Variants in DCHS2 observed in about 807,000 individuals in gnomAD.
The protein encoded by DCHS2 is protocadherin-23.
Under a neutral mutation model 182.4 loss-of-function variants are expected in DCHS2, and 142 were observed. That is an observed-to-expected ratio of 0.78 (90% CI 0.68 to 0.89). The LOEUF (loss-of-function observed/expected upper bound fraction) is 0.89. Ranked by LOEUF, DCHS2 falls within the 40% of genes least tolerant of loss-of-function variation. The pLI is 0.00. For synonymous variants in DCHS2, 1,740 were observed against 1,663.3 expected, an observed-to-expected ratio of 1.05 and a Z score of -1.12; for missense variants, 4,319 against 4,198.6, an observed-to-expected ratio of 1.03 and a Z score of -0.79.
chr4:154,446,076 A>G (rs1220519055), intron 1 of DCHS2, among the ~76,000 whole-genome samples: 1 of 152,232 alleles, frequency 6.6e-6, no homozygotes, highest in East Asian at 1.9e-4. Context: ...AGAACTCTTC[A>G]CCTTCTCCTT....
At chr4:154,299,346 A>C (rs1561023841) in intron 12 of DCHS2, among the ~76,000 whole-genome samples, 1 of 152,254 alleles carries the variant, frequency 6.6e-6, no homozygotes, top group Non-Finnish European at 1.5e-5. Context: ...TCCTTAAAAA[A>C]AATCTGCCCT....
At chr4:154,351,100 C>G (rs561124586) in intron 3 of DCHS2, among the ~76,000 whole-genome samples, 1 of 152,058 alleles carries the variant, frequency 6.6e-6, no homozygotes. Context: ...GCATTTGTGA[C>G]GGATTTGTCT....
At chr4:154,484,949 T>A (rs1369837760) in intron 1 of DCHS2, among the ~76,000 whole-genome samples, 2 of 152,224 alleles carry the variant, frequency 1.3e-5, no homozygotes, top group Non-Finnish European at 2.9e-5. Flanking sequence ...TACAGTGGAA[T>A]GCATCCATGA....
At chr4:154,240,882 C>A in intron 17 of DCHS2, 59 bp from the exon 18 acceptor site, 1 of 1,577,224 alleles carries the variant, frequency 6.3e-7, no homozygotes, top group Non-Finnish European at 8.6e-7. Context: ...AAATACATTT[C>A]TTTAGTAGTT....
chr4:154,490,997 G>T lies in DCHS2; in HGVS notation c.359C>A (p.Pro120Gln), dbSNP rs545698799. Residue 120 changes from proline (P) to glutamine (Q), a missense_variant, in exon 1 of 20, where the codon CCG becomes CAG. Physicochemically the swap from Pro to Gln is moderately conservative, Grantham distance 76 (BLOSUM62 -1). Transcript: ENST00000357232. ...CGCAGTGCGGATGATGCCGGTGTCC[G>T]GGTGCACGTGGAAGTCGTCCAGCAG... ...SPLLDDFHVH[P>Q]DTGIIRTARR... 3.2e-6 allele frequency: 5 copies of T among 1,550,422 alleles called. No homozygotes were observed. The African/African-American group carries it at 6.8e-5, about 21-fold the overall frequency.
At position 154,259,647 on chromosome 4, in the gene DCHS2, T is replaced by C; in HGVS notation, c.6687A>G (p.Ala2229=). The change falls in exon 15 of 20, where the codon GCA becomes GCG. Residue 2229 remains alanine, a synonymous_variant. Coordinates refer to ENST00000357232, the MANE Select transcript of DCHS2 (RefSeq NM_001358235.2). ...TATCATTCTCATCCTGTATCAAGAC[T>C]GCTACTTTGCAATAGGCTCTATGCC... ...SSGHRAYCKV[A]VLIQDENDNS... 6.2e-7 allele frequency: 1 copy of C among 1,614,098 alleles called. No homozygotes were observed. The highest frequency in any genetic ancestry group is 1.1e-5 in the South Asian group (1 of 91,078).
intron 1 of DCHS2, among the ~76,000 whole-genome samples, chr4:154,437,648 C>G (rs769530983): frequency 6.6e-6 from 1 of 152,072 alleles, no homozygotes; most frequent in Admixed American, 6.6e-5. Flanking sequence ...TGCAAATAAA[C>G]TTTGATTTTG....
chr4:154,469,794 T>C (rs1020033993), intron 1 of DCHS2, among the ~76,000 whole-genome samples: 1 of 152,236 alleles, frequency 6.6e-6, no homozygotes, highest in East Asian at 1.9e-4. Context: ...CATGGCTGCC[T>C]CCTTATCATT....
intron 2 of DCHS2, among the ~76,000 whole-genome samples, chr4:154,368,952 C>T (rs1241646470): frequency 2.0e-5 from 3 of 152,168 alleles, no homozygotes; most frequent in African/African-American, 7.2e-5. Context: ...CAGATTTATT[C>T]TACTCCATCA....
intron 16 of DCHS2, among the ~76,000 whole-genome samples, chr4:154,249,945 C>T (rs1278135969): frequency 6.6e-6 from 1 of 151,986 alleles, no homozygotes; most frequent in Non-Finnish European, 1.5e-5. Context: ...GTACTGTGCT[C>T]ACTACATAGT....
intron 14 of DCHS2, among the ~76,000 whole-genome samples, chr4:154,263,241 G>T (rs1351155459): frequency 2.0e-5 from 3 of 151,918 alleles, no homozygotes; most frequent in Non-Finnish European, 4.4e-5. Context: ...TTTGTCAAAG[G>T]TAGCATAAAA....
intron 15 of DCHS2, among the ~76,000 whole-genome samples, chr4:154,257,321 C>T (rs1168246004): frequency 6.6e-6 from 1 of 152,166 alleles, no homozygotes; most frequent in Non-Finnish European, 1.5e-5. Flanking sequence ...CACATCTTAA[C>T]TAGTGCTAAC....
At chr4:154,479,830 G>T (rs1161744850) in intron 1 of DCHS2, among the ~76,000 whole-genome samples, 1 of 152,218 alleles carries the variant, frequency 6.6e-6, no homozygotes, top group African/African-American at 2.4e-5. Context: ...CTTTATGCTG[G>T]ACGCTGATAG....
intron 10 of DCHS2, among the ~76,000 whole-genome samples, chr4:154,308,766 G>T (rs2111308800): frequency 6.6e-6 from 1 of 152,256 alleles, no homozygotes; most frequent in East Asian, 1.9e-4. Flanking sequence ...ACCATACCAT[G>T]TGCTAAAAAT....
intron 1 of DCHS2, among the ~76,000 whole-genome samples, chr4:154,399,367 T>A (rs546236471): frequency 3.3e-5 from 5 of 152,294 alleles, no homozygotes; most frequent in African/African-American, 1.2e-4. Flanking sequence ...TGTTAAGAGT[T>A]AGAGACAGTT....
At chr4:154,433,753 T>C (rs1425697575) in intron 1 of DCHS2, among the ~76,000 whole-genome samples, 1 of 152,180 alleles carries the variant, frequency 6.6e-6, no homozygotes. Context: ...CCTAGGCAAC[T>C]AACGCACTCC....
chr4:154,310,723 A>C (rs1052518677), intron 10 of DCHS2, among the ~76,000 whole-genome samples: 3 of 152,204 alleles, frequency 2.0e-5, no homozygotes, highest in Non-Finnish European at 4.4e-5. Flanking sequence ...ATCAGAACTC[A>C]TTGGCTTTCA....
At chr4:154,333,689 T>G in intron 4 of DCHS2, 195 bp from the exon 5 acceptor site, 1 of 632,550 alleles carries the variant, frequency 1.6e-6, no homozygotes, top group South Asian at 2.0e-5. Context: ...CATACATAAA[T>G]CCTTACCATT....
At chr4:154,413,162 A>G (rs1291125220) in intron 1 of DCHS2, among the ~76,000 whole-genome samples, 1 of 152,186 alleles carries the variant, frequency 6.6e-6, no homozygotes, top group Non-Finnish European at 1.5e-5. Context: ...CTATCTGTGC[A>G]CTTTGGCCCA....
Sources: gnomAD v4.1 joint callset for allele counts (sites outside exome capture counted in the v4.1 genomes callset) on GRCh38, gnomAD v4.1.1 for gene constraint, MANE v1.5 for transcripts, NCBI Gene and HGNC (gene_info 2026-07-23, HGNC 2026-07-21) for gene names.